Variants in MYO18B observed in about 807,000 individuals in gnomAD.
The protein encoded by MYO18B is myosin XVIIIB, also known as unconventional myosin-XVIIIb.
A neutral mutation model predicts 273.0 loss-of-function variants in MYO18B; 204 were observed. That is an observed-to-expected ratio of 0.75 (90% CI 0.67 to 0.84). The LOEUF (loss-of-function observed/expected upper bound fraction) is 0.84. Ranked by LOEUF, MYO18B falls within the 40% of genes least tolerant of loss-of-function variation. MYO18B has a pLI of 0.00. For missense variants in MYO18B, 3,212 were observed against 3,287.6 expected, an observed-to-expected ratio of 0.98 and a Z score of 0.56; for synonymous variants, 1,330 against 1,305.7, an observed-to-expected ratio of 1.02 and a Z score of -0.40.
chr22:25,854,668 G>A (rs1426498857), intron 21 of MYO18B, among the ~76,000 whole-genome samples: 1 of 152,088 alleles, frequency 6.6e-6, no homozygotes, highest in African/African-American at 2.4e-5. Flanking sequence ...AATAATTCCC[G>A]ATTCCTCCTC....
At chr22:25,955,395 C>A (rs745472292) in intron 39 of MYO18B, 31 bp downstream of exon 39, 1 of 1,580,992 alleles carries the variant, frequency 6.3e-7, no homozygotes, top group South Asian at 1.1e-5. Context: ...GGGCTCTTAG[C>A]GACTGAGGGT....
chr22:26,004,624 G>A, intron 41 of MYO18B, 94 bp from the exon 42 acceptor site: 1 of 1,476,072 alleles, frequency 6.8e-7, no homozygotes, highest in South Asian at 1.3e-5. Context: ...ATATCACTTA[G>A]CACAATGCCT....
At chr22:26,018,432 T>C (rs1177709603) in intron 42 of MYO18B, among the ~76,000 whole-genome samples, 4 of 152,130 alleles carry the variant, frequency 2.6e-5, no homozygotes, top group African/African-American at 9.7e-5. Flanking sequence ...CCCTCCTTGC[T>C]TTGAACTTCC....
At chr22:25,969,113 T>G (rs2093008937) in intron 39 of MYO18B, among the ~76,000 whole-genome samples, 1 of 152,162 alleles carries the variant, frequency 6.6e-6, no homozygotes, top group Non-Finnish European at 1.5e-5. Context: ...AACATTCCCA[T>G]AGACCTCCCC....
chr22:25,818,299 T>A (rs1226743119), intron 12 of MYO18B, among the ~76,000 whole-genome samples: 1 of 152,218 alleles, frequency 6.6e-6, no homozygotes, highest in Non-Finnish European at 1.5e-5. Context: ...TCTCTCACTT[T>A]GGTTTTATCT....
intron 36 of MYO18B, among the ~76,000 whole-genome samples, chr22:25,948,468 T>TTTC (rs1282915059): frequency 2.2e-5 from 3 of 139,114 alleles, no homozygotes; most frequent in African/African-American, 8.2e-5. Flanking sequence ...CCTTCTTTCT[T>TTTC]TCTTTCTTTC....
intron 33 of MYO18B, among the ~76,000 whole-genome samples, chr22:25,920,456 T>C (rs2092324259): frequency 6.6e-6 from 1 of 152,220 alleles, no homozygotes; most frequent in Admixed American, 6.5e-5. Flanking sequence ...CTGAAGGCTG[T>C]CAAGGAGTCT....
the MYO18B span, among the ~76,000 whole-genome samples, chr22:26,055,812 TAA>T: frequency 2.6e-5 from 4 of 152,114 alleles, no homozygotes; most frequent in African/African-American, 9.7e-5. Context: ...TAGGAGACAG[TAA>T]AAGACTGGTT....
chr22:25,950,319 T>A, intron 36 of MYO18B, 48 bp from the exon 37 acceptor site: 2 of 1,500,030 alleles, frequency 1.3e-6, no homozygotes, highest in Non-Finnish European at 1.8e-6. Flanking sequence ...CCAGCAAGGC[T>A]TGTGGACTCA....
At chr22:25,807,208 ATCCAGT>A (rs1417857296) in intron 12 of MYO18B, among the ~76,000 whole-genome samples, 1 of 152,192 alleles carries the variant, frequency 6.6e-6, no homozygotes, top group Non-Finnish European at 1.5e-5. Flanking sequence ...CAGAACCAGA[ATCCAGT>A]TCTAGACTCT....
At chr22:26,041,030 A>C in the MYO18B span, among the ~76,000 whole-genome samples, 2 of 152,188 alleles carry the variant, frequency 1.3e-5, no homozygotes, top group Non-Finnish European at 2.9e-5. Flanking sequence ...GGTTTGACCT[A>C]GGTCCTAGAG....
At chr22:25,922,004 T>G (rs1017877642) in intron 34 of MYO18B, among the ~76,000 whole-genome samples, 8 of 152,190 alleles carry the variant, frequency 5.3e-5, no homozygotes, top group African/African-American at 1.7e-4. Flanking sequence ...CAAGGCATGA[T>G]GTTGACCACT....
At chr22:26,055,738 G>A in the MYO18B span, among the ~76,000 whole-genome samples, 1 of 152,186 alleles carries the variant, frequency 6.6e-6, no homozygotes, top group East Asian at 1.9e-4. Context: ...ATACTTAAGA[G>A]CAAGTGATTT....
chr22:25,748,480 C>T (rs1483522085), intron 1 of MYO18B, among the ~76,000 whole-genome samples: 1 of 149,070 alleles, frequency 6.7e-6, no homozygotes, highest in East Asian at 1.9e-4. Context: ...TATTAGTGAC[C>T]TCCCTGTCAA....
In MYO18B at chr22:25,835,414, C is replaced by A; in HGVS notation, c.3179C>A (p.Ala1060Asp). 3 of 1,613,926 alleles carry A rather than the reference C, an allele frequency of 1.9e-6. No individual in the cohort carries two copies. The highest frequency in any genetic ancestry group is 1.1e-5 in the South Asian group (1 of 91,074). ...GTGGTGCTCGAGCGTCTGTGTGCTG[C>A]TTTCGAGAAGAAAGGAGCTGGGACT... Reference protein sequence around the residue: ...DSVVLERLCAAFEKKGAGTEG... With the variant: ...DSVVLERLCADFEKKGAGTEG... The change falls in exon 17 of 44, where the codon GCT becomes GAT. Residue 1060 changes from alanine to aspartate, a missense_variant. Physicochemically the swap from Ala to Asp is moderately radical, Grantham distance 126. Coordinates refer to ENST00000335473, the MANE Select transcript of MYO18B (RefSeq NM_032608.7).
chr22:26,037,069 A>G, the MYO18B span, among the ~76,000 whole-genome samples: 1 of 107,074 alleles, frequency 9.3e-6, no homozygotes, highest in Non-Finnish European at 2.0e-5. Context: ...GTGCTTTCCT[A>G]TAAGGTCAGC....
At chr22:26,038,555 G>C in the MYO18B span, among the ~76,000 whole-genome samples, 1 of 152,092 alleles carries the variant, frequency 6.6e-6, no homozygotes, top group African/African-American at 2.4e-5. Context: ...CAGGGTCTCT[G>C]GCTCCTCCTA....
At chr22:25,861,784 T>C (rs559865772) in intron 21 of MYO18B, among the ~76,000 whole-genome samples, 1 of 152,322 alleles carries the variant, frequency 6.6e-6, no homozygotes, top group South Asian at 2.1e-4. Flanking sequence ...TTCTAGTGAT[T>C]GTTCTACGGT....
chr22:25,794,388 G>A (rs928636229), intron 11 of MYO18B, among the ~76,000 whole-genome samples: 2 of 150,654 alleles, frequency 1.3e-5, no homozygotes, highest in Non-Finnish European at 2.9e-5. Flanking sequence ...TAATTTTATT[G>A]TAGAGACAGG....
Sources: gnomAD v4.1 joint callset for allele counts (sites outside exome capture counted in the v4.1 genomes callset) on GRCh38, gnomAD v4.1.1 for gene constraint, MANE v1.5 for transcripts, NCBI Gene and HGNC (gene_info 2026-07-23, HGNC 2026-07-21) for gene names.